The following ZSCAN1 variants were observed in gnomAD, a reference collection of about 807,000 sequenced individuals.
ZSCAN1 encodes zinc finger and SCAN domain containing 1, also known as zinc finger and SCAN domain-containing protein 1.
A neutral mutation model predicts 23.8 loss-of-function variants in ZSCAN1; 23 were observed. The ratio of observed to expected loss-of-function variants is 0.97; its 90% CI spans 0.70 to 1.37. ZSCAN1 has a LOEUF of 1.37. ZSCAN1 is among the 40% of genes most tolerant of loss of function. The probability of loss-of-function intolerance (pLI) is 0.00; values close to 1 mark genes in which losing one functional copy is unlikely to be tolerated. For missense variants in ZSCAN1, 575 were observed against 554.0 expected (o/e 1.04, Z -0.38); for synonymous variants, 236 against 232.3 (o/e 1.02, Z -0.15).
intron 4 of ZSCAN1, among the ~76,000 whole-genome samples, chr19:58,043,834 T>C (rs1190836160): frequency 6.6e-6 from 1 of 151,962 alleles, no homozygotes; most frequent in Non-Finnish European, 1.5e-5. Context: ...TGTTTTAAAA[T>C]TTTTTTAGTT....
intron 2 of ZSCAN1, among the ~76,000 whole-genome samples, chr19:58,036,980 G>A (rs775736613): frequency 2.0e-5 from 3 of 152,014 alleles, no homozygotes; most frequent in Admixed American, 6.6e-5. Context: ...CACGGCACCC[G>A]GCCACAAAAG....
intron 3 of ZSCAN1, among the ~76,000 whole-genome samples, chr19:58,039,420 T>C (rs2073767702): frequency 6.6e-6 from 1 of 152,098 alleles, no homozygotes; most frequent in South Asian, 2.1e-4. Context: ...CTACATTCCA[T>C]ATTTTGAGCC....
Position 58,037,711 on chromosome 19 carries a change from C to A in ZSCAN1, c.-109-17C>A. On this transcript the variant is annotated splice_polypyrimidine_tract_variant and intron_variant, in intron 2 of 5. Transcript: ENST00000282326. ...CACCATCTGATGTGACCCCTCTGTC[C>A]CTGCCCCTCTCTGCAGGCCCCTGAT... is the stretch of plus-strand genomic sequence containing the variant. 8.1e-7 allele frequency: 1 copy of A among 1,240,178 alleles called. No individual in the cohort carries two copies. The highest frequency in any genetic ancestry group is 1.1e-6 in the Non-Finnish European group (1 of 925,356). 76.8% of individuals were successfully genotyped at this position (1,240,178 alleles called of 1,614,324 possible). A position where few individuals can be genotyped will look rare whatever the true frequency, so the allele number is the denominator to read the frequency against.
intron 2 of ZSCAN1, among the ~76,000 whole-genome samples, chr19:58,036,342 G>T (rs182454017): frequency 3.3e-5 from 5 of 152,110 alleles, no homozygotes; most frequent in African/African-American, 9.7e-5. Flanking sequence ...CAGAAAGGTC[G>T]TGCCAATTTA....
rs199732051 is a variant in ZSCAN1 at position 58,053,487 on chromosome 19, C to T, written c.663C>T (p.Leu221=). The T allele has an allele frequency of 4.9e-5, 79 of 1,614,048 alleles. No individual in the cohort carries two copies. The highest frequency in any genetic ancestry group is 5.9e-5 in the Non-Finnish European group (70 of 1,179,960). The change falls in exon 6 of 6, where the codon CTC becomes CTT. Residue 221 remains leucine, a synonymous_variant. Coordinates refer to ENST00000282326, the MANE Select transcript of ZSCAN1 (RefSeq NM_182572.4). The surrounding 1 kb of genome is among the most constrained non-coding windows in gnomAD (Gnocchi z 5.8). ...TCTGGGACGAGCCTGAGGACCTTCT[C>T]GCAGGGCCCTCCTCAGACCTGCGGG... ...PSIWDEPEDL[L]AGPSSDLRAE...
rs563584962 is a variant in ZSCAN1, at chr19:58,046,303, G to A, written c.465+5759G>A. 3.8e-4 allele frequency: 314 copies of A among 836,638 alleles called. 3 individuals are homozygous for A. Among genetic ancestry groups the A allele is most frequent in the South Asian group, 3.2e-3 (244 of 75,562 alleles). The allele number at this position is 836,638 out of a possible 1,614,324, so 51.8% of individuals were successfully genotyped here. A position where few individuals can be genotyped will look rare whatever the true frequency, so the allele number is the denominator to read the frequency against. On this transcript the variant is annotated intron_variant, in intron 4 of 5. Coordinates refer to ENST00000282326, the MANE Select transcript of ZSCAN1 (RefSeq NM_182572.4). ...GAAGGAGGACATGCAGGACTACAGCGAGGACTTGCAGGAGCTCAAGAAGGA... is the reference window on the plus strand; with the variant it reads ...GAAGGAGGACATGCAGGACTACAGCAAGGACTTGCAGGAGCTCAAGAAGGA...
chr19:58,053,606 A>C lies in ZSCAN1; in HGVS notation c.782A>C (p.His261Pro), dbSNP rs773999918. 1.9e-6 allele frequency: 3 copies of C among 1,614,100 alleles called. No homozygotes were observed. Among genetic ancestry groups the C allele is most frequent in the Non-Finnish European group, 2.5e-6 (3 of 1,180,014 alleles). The change falls in exon 6 of 6, where the codon CAC becomes CCC. Residue 261 changes from histidine to proline, a missense_variant. His to Pro is a moderately conservative substitution (Grantham distance 77). Transcript: ENST00000282326. This position sits in a 1 kb window ranked among gnomAD's most constrained non-coding sequence, Gnocchi z 5.8. ...AGGAACACTGACCAGAGCGGCCGCC[A>C]CCAGCCATCCCTCAAGCACACCAAA... ...RNRNTDQSGR[H>P]QPSLKHTKGG... is the part of the protein sequence containing the mutation.
At chr19:58,034,985 CA>C (rs1288204699) in intron 1 of ZSCAN1, among the ~76,000 whole-genome samples, 1 of 151,948 alleles carries the variant, frequency 6.6e-6, no homozygotes, top group East Asian at 1.9e-4. Flanking sequence ...GCATCAGCGG[CA>C]AAGCCCTTCT....
At chr19:58,055,665 A>C (rs1174087996), downstream of ZSCAN1, among the ~76,000 whole-genome samples, 1 of 152,100 alleles carries the variant, frequency 6.6e-6, no homozygotes, top group African/African-American at 2.4e-5. Flanking sequence ...ATGTGTAGAG[A>C]TAGCTCTCCC....
At chr19:58,044,730 G>T (rs1047900479) in intron 4 of ZSCAN1, 17 of 742,406 alleles carry the variant, frequency 2.3e-5, no homozygotes, top group African/African-American at 3.5e-5. Flanking sequence ...GGAGCTGCCC[G>T]AAAGTTTCAT....
At chr19:58,038,463 C>T in intron 3 of ZSCAN1, 1 of 601,204 alleles carries the variant, frequency 1.7e-6, no homozygotes. Context: ...TGTCCTGTGG[C>T]TTTGTGTCTG....
chr19:58,038,157 G>A lies in ZSCAN1; in HGVS notation c.321G>A (p.Arg107=), dbSNP rs1205539632. 2 of 1,608,842 alleles carry A rather than the reference G, an allele frequency of 1.2e-6. No individual in the cohort carries two copies. The highest frequency in any genetic ancestry group is 1.7e-6 in the Non-Finnish European group (2 of 1,179,070). Residue 107 remains arginine, a synonymous_variant, in exon 3 of 6, where the codon AGG becomes AGA. Coordinates refer to ENST00000282326, the MANE Select transcript of ZSCAN1 (RefSeq NM_182572.4). ...AGTCACAGGGCCCCCGAAGCTGCAG[G>A]GAGGCCGCCAGCCTGGTGGAGGACC... ...WVQSQGPRSC[R]EAASLVEDLT...
Position 58,047,493 on chromosome 19 carries a change from C to A in ZSCAN1, c.466-4997C>A, listed in dbSNP as rs951341367. ...GCCTGCCCCAAGAGCCATCTCTGAC[C>A]CAAGCCACGCAACTCTGACGTAGCC... is the stretch of plus-strand genomic sequence containing the variant. On this transcript the variant is annotated intron_variant, in intron 4 of 5. Transcript: ENST00000282326. The surrounding 1 kb of genome is among the most constrained non-coding windows in gnomAD (Gnocchi z 4.9). Among the ~76,000 whole-genome samples, 5 of 152,218 alleles carry A rather than the reference C, an allele frequency of 3.3e-5. No homozygotes were observed. Among genetic ancestry groups the A allele is most frequent in the African/African-American group, 1.2e-4 (5 of 41,468 alleles).
In ZSCAN1 at chr19:58,047,952, A is replaced by C. The variant is rs1296730496; in HGVS notation, c.466-4538A>C. Among the ~76,000 whole-genome samples the C allele has an allele frequency of 6.6e-6, 1 of 152,176 alleles. No homozygotes were observed. Among genetic ancestry groups the C allele is most frequent in the Non-Finnish European group, 1.5e-5 (1 of 68,026 alleles). On this transcript the variant is annotated intron_variant, in intron 4 of 5. Coordinates refer to ENST00000282326, the MANE Select transcript of ZSCAN1 (RefSeq NM_182572.4). The surrounding 1 kb of genome is among the most constrained non-coding windows in gnomAD (Gnocchi z 4.9). ...CTGCCCAGCCGGCTGTGTCACACTC[A>C]TATTTTTAAGGTCAGGTTGGTTCCT...
intron 4 of ZSCAN1, among the ~76,000 whole-genome samples, chr19:58,041,810 A>C (rs1055610850): frequency 2.6e-5 from 4 of 152,178 alleles, no homozygotes; most frequent in Non-Finnish European, 5.9e-5. Flanking sequence ...CAGGAGTTCA[A>C]GGCTGTAGTA....
At position 58,034,161 on chromosome 19, in the gene ZSCAN1, G is replaced by T. The variant is rs1237064354; in HGVS notation, c.-152G>T. Reference sequence around the variant, plus strand: ...CCAGGCCCGAGCGAAGCCCGCGCGCGGTGAGTCCGCCGCGGCCCATCCGTC... The same window carrying T: ...CCAGGCCCGAGCGAAGCCCGCGCGCTGTGAGTCCGCCGCGGCCCATCCGTC... On this transcript the variant is annotated splice_region_variant and 5_prime_UTR_variant, in exon 1 of 6. Transcript: ENST00000282326. The T allele has an allele frequency of 6.6e-6, 1 of 150,954 alleles. No homozygotes were observed. Among genetic ancestry groups the T allele is most frequent in the Non-Finnish European group, 1.5e-5 (1 of 67,616 alleles). The allele number at this position is 150,954 out of a possible 1,614,324, so 9.4% of individuals were successfully genotyped here. A position where few individuals can be genotyped will look rare whatever the true frequency, so the allele number is the denominator to read the frequency against.
chr19:58,044,538 A>G (rs974821543), intron 4 of ZSCAN1: 247 of 475,896 alleles, frequency 5.2e-4, no homozygotes, highest in Middle Eastern at 1.1e-3. Context: ...GCCGCGGAGA[A>G]GGAGGAGGAG....
chr19:58,038,184 C>G lies in ZSCAN1; in HGVS notation c.348C>G (p.Leu116=). 6.2e-7 allele frequency: 1 copy of G among 1,607,064 alleles called. No homozygotes were observed. The highest frequency in any genetic ancestry group is 8.5e-7 in the Non-Finnish European group (1 of 1,178,182). The change falls in exon 3 of 6, where the codon CTC becomes CTG. Residue 116 remains leucine, a synonymous_variant. Coordinates refer to ENST00000282326, the MANE Select transcript of ZSCAN1 (RefSeq NM_182572.4). ...CREAASLVED[L]TQMCQQEVLV... ...AGGCCGCCAGCCTGGTGGAGGACCT[C>G]ACACAGATGTGCCAGCAGGAAGGTG...
chr19:58,035,858 G>A (rs564672715), intron 1 of ZSCAN1, 112 bp from the exon 2 acceptor site: 1 of 152,250 alleles, frequency 6.6e-6, no homozygotes, highest in East Asian at 1.9e-4. Context: ...AGGATGAAGA[G>A]GGAAAAATCC....
Sources: allele counts gnomAD v4.1 joint callset (sites outside exome capture counted in the v4.1 genomes callset), GRCh38; gene constraint gnomAD v4.1.1; non-coding constraint Gnocchi (gnomAD v3.1); transcripts MANE v1.5; gene names NCBI Gene and HGNC (gene_info 2026-07-23, HGNC 2026-07-21).